TOMM7: variants seen among roughly 807,000 people sequenced by gnomAD.
TOMM7 encodes the protein mitochondrial import receptor subunit TOM7 homolog.
Under a neutral mutation model 9.5 loss-of-function variants are expected in TOMM7, and 8 were observed. The observed-to-expected ratio is 0.84, with a 90% CI of 0.49 to 1.51. The LOEUF is 1.51. TOMM7 is among the 40% of genes most tolerant of loss of function. The pLI, the probability that TOMM7 is intolerant of heterozygous loss-of-function variation, is 0.00. For missense variants in TOMM7, 74 were observed against 63.7 expected (o/e 1.16, Z -0.55); for synonymous variants, 27 against 21.4 (o/e 1.26, Z -0.72).
chr7:22,822,535 C>G, intron 1 of TOMM7, 142 bp downstream of exon 1: 1 of 794,556 alleles, frequency 1.3e-6, no homozygotes, highest in Non-Finnish European at 2.1e-6. Flanking sequence ...GTTAGATCGG[C>G]CCCACTTGAC....
intron 1 of TOMM7, among the ~76,000 whole-genome samples, chr7:22,820,475 GGGA>G (rs1160353128): frequency 3.3e-5 from 5 of 152,214 alleles, no homozygotes; most frequent in African/African-American, 7.2e-5. Context: ...TCTCAAAACA[GGGA>G]GGAGGAGGGA....
intron 2 of TOMM7, among the ~76,000 whole-genome samples, chr7:22,816,266 T>C (rs1782315485): frequency 6.6e-6 from 1 of 152,176 alleles, no homozygotes; most frequent in African/African-American, 2.4e-5. Flanking sequence ...CTTAGAAAGG[T>C]TAATGGCTTC....
At chr7:22,819,026 G>A (rs2128182491) in intron 1 of TOMM7, among the ~76,000 whole-genome samples, 1 of 152,120 alleles carries the variant, frequency 6.6e-6, no homozygotes, top group South Asian at 2.1e-4. Flanking sequence ...GAGGGCGGGG[G>A]GGTTGGCGGC....
chr7:22,819,381 T>TC (rs1053167221), intron 1 of TOMM7, among the ~76,000 whole-genome samples: 2 of 151,980 alleles, frequency 1.3e-5, no homozygotes, highest in Non-Finnish European at 2.9e-5. Flanking sequence ...TATTCTTTTT[T>TC]TTTTTGAGAC....
chr7:22,816,081 G>A (rs1475537032), intron 2 of TOMM7, among the ~76,000 whole-genome samples: 1 of 152,084 alleles, frequency 6.6e-6, no homozygotes, highest in Non-Finnish European at 1.5e-5. Flanking sequence ...GTTTTCATAA[G>A]GAAATGGGGA....
At chr7:22,814,305 G>T (rs1782288977) in intron 2 of TOMM7, among the ~76,000 whole-genome samples, 1 of 146,590 alleles carries the variant, frequency 6.8e-6, no homozygotes, top group Non-Finnish European at 1.5e-5. Flanking sequence ...AGCCGAGATT[G>T]TACCATTGCA....
chr7:22,822,597 C>T (rs1782409250), intron 1 of TOMM7, 80 bp downstream of exon 1: 2 of 1,285,242 alleles, frequency 1.6e-6, no homozygotes, highest in South Asian at 1.2e-5. Context: ...TTCTCTCCCT[C>T]CCCCGACGGC....
In TOMM7 at chr7:22,822,767, T is replaced by G; in HGVS notation, c.13A>C (p.Ser5Arg). MVKLSKEAKQRLQQL... is the reference protein window; with the variant it reads MVKLRKEAKQRLQQL... ...TGTAGTCTCTGCTTGGCCTCTTTGC[T>G]CAGCTTCACCATGGCGACGGCCGTG... The change falls in exon 1 of 3, where the codon AGC (serine) becomes CGC (arginine). Residue 5 changes from serine to arginine, a missense_variant. Coordinates refer to ENST00000358435, the MANE Select transcript of TOMM7 (RefSeq NM_019059.5). 6.2e-7 allele frequency: 1 copy of G among 1,614,148 alleles called. No individual in the cohort carries two copies. The highest frequency in any genetic ancestry group is 8.5e-7 in the Non-Finnish European group (1 of 1,180,008).
intron 1 of TOMM7, among the ~76,000 whole-genome samples, chr7:22,821,778 G>T (rs1459086325): frequency 1.3e-5 from 2 of 151,902 alleles, no homozygotes; most frequent in Non-Finnish European, 2.9e-5. Flanking sequence ...AGACAGAAAA[G>T]AAAAGAAAAA....
intron 2 of TOMM7, among the ~76,000 whole-genome samples, chr7:22,815,211 T>C (rs1229762363): frequency 1.3e-5 from 2 of 152,086 alleles, no homozygotes; most frequent in African/African-American, 4.8e-5. Flanking sequence ...CAGGGATGCT[T>C]CATCTAGTCG....
chr7:22,822,433 A>G, intron 1 of TOMM7: 1 of 788,534 alleles, frequency 1.3e-6, no homozygotes, highest in Non-Finnish European at 2.0e-6. Flanking sequence ...TATGACCTCC[A>G]CTTTAAGGAT....
chr7:22,821,576 C>T (rs182909506), intron 1 of TOMM7, among the ~76,000 whole-genome samples: 230 of 152,058 alleles, frequency 1.5e-3, no homozygotes, highest in African/African-American at 5.4e-3. Context: ...AAGCAAAACC[C>T]CGTCTCTACT....
chr7:22,820,020 G>C (rs547978661), intron 1 of TOMM7, among the ~76,000 whole-genome samples: 21 of 152,274 alleles, frequency 1.4e-4, no homozygotes, highest in African/African-American at 4.6e-4. Context: ...GTTTTAGTGA[G>C]AGTTGAGGTG....
intron 2 of TOMM7, among the ~76,000 whole-genome samples, chr7:22,816,339 G>C (rs1350823473): frequency 6.6e-6 from 1 of 152,216 alleles, no homozygotes; most frequent in African/African-American, 2.4e-5. Context: ...GCTTGACTCA[G>C]TAGTCCTCTC....
At chr7:22,821,372 T>A (rs1782387296) in intron 1 of TOMM7, among the ~76,000 whole-genome samples, 1 of 142,936 alleles carries the variant, frequency 7.0e-6, no homozygotes, top group Admixed American at 7.5e-5. Context: ...ATCGCGCCAC[T>A]GCACTCCAGC....
chr7:22,815,088 C>G (rs1280242294), intron 2 of TOMM7, among the ~76,000 whole-genome samples: 4 of 152,094 alleles, frequency 2.6e-5, no homozygotes, highest in Non-Finnish European at 5.9e-5. Flanking sequence ...ACAAATGCCT[C>G]TGGAGGGAAA....
At chr7:22,817,228 T>C (rs1022374012) in intron 2 of TOMM7, 1 of 152,698 alleles carries the variant, frequency 6.5e-6, no homozygotes, top group Admixed American at 6.5e-5. Flanking sequence ...TACATATGTA[T>C]ATGAATATGT....
chr7:22,821,744 CAAAAAGGA>C lies in TOMM7; in HGVS notation c.103+925_103+932del, dbSNP rs774348768. On this transcript the variant is annotated intron_variant, in intron 1 of 2. Coordinates refer to ENST00000358435, the MANE Select transcript of TOMM7 (RefSeq NM_019059.5). ...CAGCCTGGGCACACAGCGACTGTCT[CAAAAAGGA>C]AAAAAGGAAAAAAAAAGACAGAAAA... Among the ~76,000 whole-genome samples, 18 of 148,882 alleles carry C rather than the reference CAAAAAGGA, an allele frequency of 1.2e-4. No homozygotes were observed. In the South Asian group the frequency reaches 1.5e-3, roughly 12 times the overall value.
intron 1 of TOMM7, among the ~76,000 whole-genome samples, chr7:22,821,190 T>A (rs554265662): frequency 2.9e-4 from 43 of 149,004 alleles, no homozygotes; most frequent in African/African-American, 9.9e-4. Context: ...GGCGGGCGGA[T>A]CACGAGGTCA....
Sources: gnomAD v4.1 joint callset for allele counts (sites outside exome capture counted in the v4.1 genomes callset) on GRCh38, gnomAD v4.1.1 for gene constraint, MANE v1.5 for transcripts, NCBI Gene and HGNC (gene_info 2026-07-23, HGNC 2026-07-21) for gene names.